ADRA1B: variants seen among roughly 807,000 people sequenced by gnomAD.
The protein encoded by ADRA1B is alpha-1B adrenergic receptor.
ADRA1B carries 17 observed loss-of-function variants against 17.9 expected under a neutral mutation model. The ratio of observed to expected loss-of-function variants is 0.95; its 90% confidence interval spans 0.65 to 1.42. The LOEUF (loss-of-function observed/expected upper bound fraction) is 1.42, where lower values mean the gene tolerates loss of function less well. Among genes scored for constraint, ADRA1B ranks in the 40% most tolerant of loss-of-function variants. ADRA1B has a pLI of 0.00. For synonymous variants in ADRA1B, 366 were observed against 327.6 expected (o/e 1.12, Z -1.27); for missense variants, 681 against 722.1 (o/e 0.94, Z 0.65).
At chr5:159,916,184 A>G, upstream of ADRA1B, 1 of 152,352 alleles carries the variant, frequency 6.6e-6, no homozygotes, top group Non-Finnish European at 1.5e-5. Flanking sequence ...ATTAAAGGTA[A>G]GCAGCCCCCA....
chr5:159,979,692 A>AC, the ADRA1B span, among the ~76,000 whole-genome samples: 9 of 152,010 alleles, frequency 5.9e-5, no homozygotes, highest in Non-Finnish European at 1.0e-4. Context: ...ACATGGTGAA[A>AC]CCCCATCTCT....
chr5:159,891,993 C>T (rs541743362), intron 1 of ADRA1B, among the ~76,000 whole-genome samples: 12 of 152,292 alleles, frequency 7.9e-5, no homozygotes, highest in African/African-American at 2.4e-4. Flanking sequence ...AATCCCAGCA[C>T]TCTGGGAGGC....
intron 1 of ADRA1B, among the ~76,000 whole-genome samples, chr5:159,893,132 T>C (rs1267820531): frequency 2.0e-5 from 3 of 152,248 alleles, no homozygotes; most frequent in African/African-American, 7.2e-5. Context: ...TCATTGACTA[T>C]CTGTCATGGT....
At chr5:159,948,657 C>A (rs1755343020) in intron 1 of ADRA1B, 1 of 179,742 alleles carries the variant, frequency 5.6e-6, no homozygotes, top group South Asian at 1.9e-4. Context: ...ATTTTGTAAC[C>A]TGTTCTTTGT....
At chr5:159,967,410 C>T (rs1755795046) in intron 1 of ADRA1B, among the ~76,000 whole-genome samples, 1 of 152,060 alleles carries the variant, frequency 6.6e-6, no homozygotes, top group South Asian at 2.1e-4. Flanking sequence ...AGCTGAGTTC[C>T]TGGAAGAGAA....
At chr5:159,934,023 C>G (rs1270991927) in intron 1 of ADRA1B, among the ~76,000 whole-genome samples, 1 of 152,206 alleles carries the variant, frequency 6.6e-6, no homozygotes, top group African/African-American at 2.4e-5. Context: ...TTGCAAAATT[C>G]GGATTGGCCC....
intron 1 of ADRA1B, among the ~76,000 whole-genome samples, chr5:159,878,459 G>A (rs1243244106): frequency 1.3e-5 from 2 of 152,212 alleles, no homozygotes; most frequent in Non-Finnish European, 2.9e-5. Context: ...GACCATCTCA[G>A]GCAGTTCTGG....
the ADRA1B span, among the ~76,000 whole-genome samples, chr5:159,983,595 G>A: frequency 6.6e-6 from 1 of 151,964 alleles, no homozygotes; most frequent in Non-Finnish European, 1.5e-5. Context: ...ATGTGGCAAG[G>A]GTGCCAGCCG....
chr5:159,877,107 T>G (rs1396638948), intron 1 of ADRA1B, among the ~76,000 whole-genome samples: 1 of 152,156 alleles, frequency 6.6e-6, no homozygotes, highest in African/African-American at 2.4e-5. Context: ...GATGATGTGT[T>G]TTCTGGAATG....
Position 159,867,777 on chromosome 5 carries a change from T to A in ADRA1B, c.-256+2571T>A, listed in dbSNP as rs1208601554. On this transcript the variant is annotated intron_variant, in intron 1 of 2. Coordinates refer to the ADRA1B transcript ENST00000641205. ...ATGATGACAGATGTCAGAGAGTCCC[T>A]GTCATAATAGAGCTCCTGAGTGCTC... The A allele has an allele frequency of 2.0e-5, 3 of 152,240 alleles. 1 individual carries two copies. In the East Asian group the frequency reaches 5.8e-4, roughly 29 times the overall value. 9.4% of individuals were successfully genotyped at this position (152,240 alleles called of 1,614,324 possible).
chr5:159,909,871 A>G (rs994499524), intron 1 of ADRA1B, among the ~76,000 whole-genome samples: 74 of 152,354 alleles, frequency 4.9e-4, no homozygotes, highest in African/African-American at 1.6e-3. Context: ...AGGACTTGGC[A>G]CTTAGGAAGC....
At chr5:159,968,138 G>A (rs1171528894) in intron 1 of ADRA1B, among the ~76,000 whole-genome samples, 10 of 152,054 alleles carry the variant, frequency 6.6e-5, no homozygotes, top group Non-Finnish European at 1.2e-4. Flanking sequence ...ATGAATGAAC[G>A]AACAAATGAA....
chr5:159,873,835 G>T (rs990077878), intron 1 of ADRA1B, among the ~76,000 whole-genome samples: 4 of 152,180 alleles, frequency 2.6e-5, no homozygotes, highest in Non-Finnish European at 5.9e-5. Flanking sequence ...ACCATGAAAT[G>T]ATGAGGCACT....
At chr5:159,981,027 A>C in the ADRA1B span, among the ~76,000 whole-genome samples, 2 of 152,194 alleles carry the variant, frequency 1.3e-5, no homozygotes, top group Non-Finnish European at 2.9e-5. Context: ...TGGGGGCAAA[A>C]CAAGGTCCAG....
At chr5:159,981,786 G>A in the ADRA1B span, among the ~76,000 whole-genome samples, 6 of 152,160 alleles carry the variant, frequency 3.9e-5, no homozygotes, top group Admixed American at 3.9e-4. Context: ...GTGAGCTACC[G>A]CACCCAGCCT....
At chr5:159,898,292 G>T (rs890423616) in intron 1 of ADRA1B, among the ~76,000 whole-genome samples, 1 of 152,234 alleles carries the variant, frequency 6.6e-6, no homozygotes, top group Non-Finnish European at 1.5e-5. Flanking sequence ...AGAGCAGGAA[G>T]AGTGGGAGAG....
At chr5:159,915,586 C>T (rs995647596), upstream of ADRA1B, among the ~76,000 whole-genome samples, 2 of 152,156 alleles carry the variant, frequency 1.3e-5, no homozygotes, top group Non-Finnish European at 2.9e-5. Flanking sequence ...AGATCCTCTA[C>T]GTCCCTTCCC....
chr5:159,914,188 C>T (rs1419857767), upstream of ADRA1B, among the ~76,000 whole-genome samples: 1 of 152,178 alleles, frequency 6.6e-6, no homozygotes, highest in African/African-American at 2.4e-5. Context: ...GTCCTATCTG[C>T]AGACAGACTA....
chr5:159,895,223 T>C (rs772213529), intron 1 of ADRA1B, among the ~76,000 whole-genome samples: 2 of 152,196 alleles, frequency 1.3e-5, no homozygotes, highest in Non-Finnish European at 2.9e-5. Flanking sequence ...ACTACCCTTC[T>C]AGACCAAGAT....
Sources: allele counts gnomAD v4.1 joint callset (sites outside exome capture counted in the v4.1 genomes callset), GRCh38; gene constraint gnomAD v4.1.1; transcripts MANE v1.5; gene names NCBI Gene and HGNC (gene_info 2026-07-23, HGNC 2026-07-21).